Variants in CSNK1G2 observed in about 807,000 individuals in gnomAD.
The protein encoded by CSNK1G2 is casein kinase 1 gamma 2, also known as casein kinase I isoform gamma-2.
CSNK1G2 carries 11 observed loss-of-function variants against 48.0 expected under a neutral mutation model. The ratio of observed to expected loss-of-function variants is 0.23; its 90% confidence interval spans 0.14 to 0.38. CSNK1G2 has a LOEUF of 0.38. Ranked by LOEUF, CSNK1G2 falls within the 10% of genes least tolerant of loss-of-function variation. The pLI is 1.00. For synonymous variants in CSNK1G2, 337 were observed against 254.1 expected, an observed-to-expected ratio of 1.33 and a Z score of -3.10; for missense variants, 446 against 595.5, an observed-to-expected ratio of 0.75 and a Z score of 2.61.
chr19:1,967,943 G>C (rs1313619051), intron 1 of CSNK1G2, among the ~76,000 whole-genome samples: 3 of 17,836 alleles, frequency 1.7e-4, no homozygotes, highest in Admixed American at 5.7e-4. Context: ...GGCTGCCCCC[G>C]ACCACCCTTC....
At chr19:1,953,631 C>G in intron 1 of CSNK1G2, 1 of 417,010 alleles carries the variant, frequency 2.4e-6, no homozygotes, top group Admixed American at 2.6e-5. Context: ...CCCTGGTCAG[C>G]TCTGCCCGTG....
At chr19:1,954,988 G>A (rs914898911) in intron 1 of CSNK1G2, among the ~76,000 whole-genome samples, 16 of 152,102 alleles carry the variant, frequency 1.1e-4, no homozygotes, top group African/African-American at 2.4e-4. Context: ...CCAGGCCTGC[G>A]TGGGCACTGT....
At chr19:1,956,595 G>A (rs1228057543) in intron 1 of CSNK1G2, among the ~76,000 whole-genome samples, 7 of 152,232 alleles carry the variant, frequency 4.6e-5, no homozygotes, top group South Asian at 2.1e-4. Context: ...TGGCACAGGC[G>A]CTTACCCTGC....
chr19:1,948,262 G>T (rs1240992000), intron 1 of CSNK1G2, among the ~76,000 whole-genome samples: 1 of 152,164 alleles, frequency 6.6e-6, no homozygotes, highest in Non-Finnish European at 1.5e-5. Flanking sequence ...GGTGGCTCAC[G>T]CCTGTAATCC....
At chr19:1,959,083 T>G (rs1220785485) in intron 1 of CSNK1G2, among the ~76,000 whole-genome samples, 1 of 151,390 alleles carries the variant, frequency 6.6e-6, no homozygotes, top group Non-Finnish European at 1.5e-5. Context: ...ACTCGGGCTG[T>G]ACCCGCTAGC....
rs1267548939 is a variant in CSNK1G2 at position 1,979,080 on chromosome 19, G to T, written c.669G>T (p.Thr223=). Residue 223 remains threonine, a synonymous_variant, in exon 6 of 12, where the codon ACG becomes ACT. Transcript: ENST00000255641. ...TGTARYMSIN[T]HLGKEQSRRD... is the part of the protein sequence containing the mutation. Reference sequence around the variant, plus strand: ...CGGCGCGCTACATGAGCATCAACACGCACCTGGGCAAGGGTGAGCTGCGCG... The same window carrying T: ...CGGCGCGCTACATGAGCATCAACACTCACCTGGGCAAGGGTGAGCTGCGCG... 1 of 1,598,890 alleles carries T rather than the reference G, an allele frequency of 6.3e-7. No homozygotes were observed. Among genetic ancestry groups the T allele is most frequent in the Non-Finnish European group, 8.5e-7 (1 of 1,178,816 alleles).
At chr19:1,956,170 C>T (rs1430706631) in intron 1 of CSNK1G2, among the ~76,000 whole-genome samples, 6 of 152,144 alleles carry the variant, frequency 3.9e-5, no homozygotes, top group East Asian at 3.9e-4. Flanking sequence ...GACGAGGGGC[C>T]GGGGGTCGCA....
intron 2 of CSNK1G2, among the ~76,000 whole-genome samples, chr19:1,971,200 C>T (rs1217019604): frequency 6.6e-6 from 1 of 152,254 alleles, no homozygotes; most frequent in Non-Finnish European, 1.5e-5. Flanking sequence ...GCGAGGGCAG[C>T]TGTTGGGGTC....
At chr19:1,941,748 C>T (rs891710688) in intron 1 of CSNK1G2, among the ~76,000 whole-genome samples, 1 of 150,660 alleles carries the variant, frequency 6.6e-6, no homozygotes, top group Admixed American at 6.6e-5. Context: ...CAGTGACCCT[C>T]ACACTCCAGA....
At position 1,969,916 on chromosome 19, in the gene CSNK1G2, C is replaced by T. The variant is rs973187917; in HGVS notation, c.144C>T (p.Val48=). 5.3e-6 allele frequency: 7 copies of T among 1,312,006 alleles called. No homozygotes were observed. Among genetic ancestry groups the T allele is most frequent in the South Asian group, 6.3e-5 (2 of 31,962 alleles). 81.3% of individuals were successfully genotyped at this position (1,312,006 alleles called of 1,614,324 possible). ...TGATGGTGGGCCCCAACTTCCGCGT[C>T]GGCAAGAAGATCGGCTGCGGCAACT... ...GVLMVGPNFR[V]GKKIGCGNFG... The change falls in exon 2 of 12, where the codon GTC becomes GTT. Residue 48 remains valine (V), a synonymous_variant. Coordinates refer to ENST00000255641, the MANE Select transcript of CSNK1G2 (RefSeq NM_001319.7).
At chr19:1,944,288 C>G (rs2014473388) in intron 1 of CSNK1G2, among the ~76,000 whole-genome samples, 1 of 152,162 alleles carries the variant, frequency 6.6e-6, no homozygotes, top group African/African-American at 2.4e-5. Context: ...GCAAGGCCGT[C>G]TGAGTGAGGC....
intron 1 of CSNK1G2, among the ~76,000 whole-genome samples, chr19:1,955,572 C>T (rs1023703294): frequency 6.9e-5 from 10 of 144,102 alleles, no homozygotes; most frequent in Admixed American, 2.7e-4. Context: ...TCGGGGGCAG[C>T]GCCCAGGTCA....
Position 1,979,415 on chromosome 19 carries a change from C to T in CSNK1G2, c.853+12C>T. ...CGAGAACTTCCCAGGTAAGGGGTCC[C>T]TGCGCCCCCGCCCTGTGCCCCCCAC... On this transcript the variant is annotated intron_variant, in intron 8 of 11. Transcript: ENST00000255641. The T allele has an allele frequency of 6.4e-7, 1 of 1,552,556 alleles. No individual in the cohort carries two copies. The highest frequency in any genetic ancestry group is 1.2e-5 in the South Asian group (1 of 84,228).
At chr19:1,962,642 G>A (rs548189294) in intron 1 of CSNK1G2, among the ~76,000 whole-genome samples, 31 of 152,286 alleles carry the variant, frequency 2.0e-4, no homozygotes, top group African/African-American at 4.3e-4. Context: ...CAGCCTGGGC[G>A]ACAGAGCCAG....
chr19:1,955,298 CCTGCTG>C (rs142010723), intron 1 of CSNK1G2, among the ~76,000 whole-genome samples: 2 of 151,680 alleles, frequency 1.3e-5, no homozygotes, highest in Admixed American at 6.5e-5. Context: ...TGACTGCCCT[CCTGCTG>C]CTGCTGCTGC....
chr19:1,967,803 C>T lies in CSNK1G2; in HGVS notation c.-265-1705C>T, dbSNP rs58916773. On this transcript the variant is annotated intron_variant, in intron 1 of 11. Transcript: ENST00000255641. ...CAGGTGGGGCTCCTCCTTCCTCCCT[C>T]CTCCCCAGGCTGCCCCCGACCACCC... Among the ~76,000 whole-genome samples, 35 of 49,114 alleles carry T rather than the reference C, an allele frequency of 7.1e-4. 1 individual carries two copies. The highest frequency in any genetic ancestry group is 2.0e-3 in the African/African-American group (17 of 8,684). The allele number at this position is 49,114 out of a possible 152,430, so 32.2% of individuals were successfully genotyped here.
intron 1 of CSNK1G2, chr19:1,959,371 G>GA (rs2015112648): frequency 6.6e-6 from 1 of 152,614 alleles, no homozygotes; most frequent in Non-Finnish European, 1.5e-5. Context: ...GGGTGGGTGT[G>GA]ATGTCTTTTT....
chr19:1,960,912 G>A (rs1399296713), intron 1 of CSNK1G2, among the ~76,000 whole-genome samples: 4 of 152,176 alleles, frequency 2.6e-5, no homozygotes, highest in Non-Finnish European at 2.9e-5. Flanking sequence ...ATGCAGGCAC[G>A]GACGTTTCAG....
intron 1 of CSNK1G2, among the ~76,000 whole-genome samples, chr19:1,943,491 A>G (rs2014442087): frequency 6.6e-6 from 1 of 152,178 alleles, no homozygotes; most frequent in African/African-American, 2.4e-5. Flanking sequence ...CTGGGCTACA[A>G]AGGAAGTAGG....
Sources: gnomAD v4.1 joint callset for allele counts (sites outside exome capture counted in the v4.1 genomes callset) on GRCh38, gnomAD v4.1.1 for gene constraint, MANE v1.5 for transcripts, NCBI Gene and HGNC (gene_info 2026-07-23, HGNC 2026-07-21) for gene names.